CCBE1: variants seen among roughly 807,000 people sequenced by gnomAD.
The protein encoded by CCBE1 is collagen and calcium-binding EGF domain-containing protein 1.
Under a neutral mutation model 50.0 loss-of-function variants are expected in CCBE1, and 37 were observed. That is an observed-to-expected ratio of 0.74 (90% CI 0.57 to 0.97). The LOEUF (loss-of-function observed/expected upper bound fraction) is 0.97, where lower values mean the gene tolerates loss of function less well. Among genes scored for constraint, CCBE1 ranks in the 50% least tolerant of loss-of-function variants. The probability of loss-of-function intolerance (pLI) is 0.00; values close to 1 mark genes in which losing one functional copy is unlikely to be tolerated. For synonymous variants in CCBE1, 234 were observed against 203.7 expected (o/e 1.15, Z -1.27); for missense variants, 538 against 523.8 (o/e 1.03, Z -0.26).
Position 59,591,005 on chromosome 18 carries a change from G to A in CCBE1, c.212+105624C>T, listed in dbSNP as rs556892594. ...CACGCTTGTAATCCCAGCACTTTGG[G>A]AGGCCGAGGCGGGTGGATCACGAGG... On this transcript the variant is annotated intron_variant, in intron 2 of 10. Transcript: ENST00000439986. Among the ~76,000 whole-genome samples, 8 of 32,426 alleles carry A rather than the reference G, an allele frequency of 2.5e-4. 3 individuals carry two copies. The highest frequency in any genetic ancestry group is 8.5e-4 in the African/African-American group (2 of 2,352). 21.3% of individuals were successfully genotyped at this position (32,426 alleles called of 152,430 possible).
chr18:59,686,151 A>G (rs1160046187), intron 2 of CCBE1: 1 of 152,258 alleles, frequency 6.6e-6, no homozygotes, highest in Non-Finnish European at 1.5e-5. Flanking sequence ...ATCCATGGAA[A>G]GCAAGGTATG....
rs1384957305 is a variant in CCBE1 at position 59,591,010 on chromosome 18, C to A, written c.212+105619G>T. ...TTGTAATCCCAGCACTTTGGGAGGC[C>A]GAGGCGGGTGGATCACGAGGTCAGG... On this transcript the variant is annotated intron_variant, in intron 2 of 10. Transcript: ENST00000439986. Among the ~76,000 whole-genome samples the A allele has an allele frequency of 1.5e-4, 5 of 32,374 alleles. 2 individuals carry two copies. Among genetic ancestry groups the A allele is most frequent in the Admixed American group, 6.1e-4 (2 of 3,288 alleles). 21.2% of individuals were successfully genotyped at this position (32,374 alleles called of 152,430 possible).
intron 2 of CCBE1, among the ~76,000 whole-genome samples, chr18:59,576,008 G>A (rs2052989731): frequency 6.6e-6 from 1 of 152,204 alleles, no homozygotes; most frequent in Admixed American, 6.5e-5. Context: ...TTTTTCCTGT[G>A]TAAGAAAAGT....
chr18:59,446,470 C>T (rs7228296), intron 7 of CCBE1, among the ~76,000 whole-genome samples: 48,307 of 151,900 alleles, frequency 0.32, 7,795 homozygotes, highest in Admixed American at 0.34. Context: ...AAAACTCCAC[C>T]ATGACCCGGA....
At chr18:59,640,142 A>G (rs1437202007) in intron 2 of CCBE1, among the ~76,000 whole-genome samples, 1 of 152,202 alleles carries the variant, frequency 6.6e-6, no homozygotes, top group Non-Finnish European at 1.5e-5. Flanking sequence ...CGATTTTAAA[A>G]TTCATTATGG....
intron 2 of CCBE1, among the ~76,000 whole-genome samples, chr18:59,632,980 C>T (rs2053869195): frequency 6.6e-6 from 1 of 152,158 alleles, no homozygotes; most frequent in African/African-American, 2.4e-5. Context: ...ACAAGTCAGG[C>T]ATTCCCTTCT....
At chr18:59,599,404 A>C (rs2053400361) in intron 2 of CCBE1, among the ~76,000 whole-genome samples, 1 of 152,216 alleles carries the variant, frequency 6.6e-6, no homozygotes, top group Non-Finnish European at 1.5e-5. Context: ...GAATTAATGT[A>C]ATTACCATAC....
chr18:59,520,399 G>A (rs760495319), intron 2 of CCBE1, among the ~76,000 whole-genome samples: 10 of 152,024 alleles, frequency 6.6e-5, no homozygotes, highest in Non-Finnish European at 8.8e-5. Flanking sequence ...CCCTTGGTCC[G>A]TCAACAGAGA....
At chr18:59,694,480 T>A (rs953669925) in intron 2 of CCBE1, among the ~76,000 whole-genome samples, 1 of 152,200 alleles carries the variant, frequency 6.6e-6, no homozygotes, top group Admixed American at 6.5e-5. Context: ...TCTGTCTAAA[T>A]AGGTCTGCAT....
At chr18:59,609,009 G>C (rs2144578295) in intron 2 of CCBE1, among the ~76,000 whole-genome samples, 1 of 152,308 alleles carries the variant, frequency 6.6e-6, no homozygotes, top group South Asian at 2.1e-4. Context: ...AAACCCAACA[G>C]ACTTGAGTTC....
chr18:59,502,255 T>C (rs1338421484), intron 2 of CCBE1, among the ~76,000 whole-genome samples: 4 of 152,164 alleles, frequency 2.6e-5, no homozygotes, highest in African/African-American at 7.2e-5. Context: ...GCCTGCACAA[T>C]GTCAGGGCTC....
At chr18:59,495,410 TCCAGA>T (rs1913305529) in intron 2 of CCBE1, among the ~76,000 whole-genome samples, 1 of 144,944 alleles carries the variant, frequency 6.9e-6, no homozygotes. Context: ...TTTTTTTTTT[TCCAGA>T]GCGGGAAACA....
chr18:59,563,400 A>G (rs1487699291), intron 2 of CCBE1, among the ~76,000 whole-genome samples: 2 of 152,242 alleles, frequency 1.3e-5, no homozygotes, highest in Non-Finnish European at 2.9e-5. Context: ...ATCAGTAGCA[A>G]GCATCCAGGG....
At position 59,601,010 on chromosome 18, in the gene CCBE1, G is replaced by GTTTTTTTTTTTT. The variant is rs71177045; in HGVS notation, c.212+95607_212+95618dup. Among the ~76,000 whole-genome samples the GTTTTTTTTTTTT allele has an allele frequency of 9.8e-4, 57 of 58,010 alleles. 16 individuals are homozygous for GTTTTTTTTTTTT. Among genetic ancestry groups the GTTTTTTTTTTTT allele is most frequent in the Admixed American group, 1.5e-3 (6 of 3,974 alleles). 38.1% of individuals were successfully genotyped at this position (58,010 alleles called of 152,430 possible). Reference sequence around the variant, plus strand: ...GATCTATTTTATTAGCTATGTGTCAGTTTTTTTTTTTTTTTTTTTTTTTTT... The same window carrying GTTTTTTTTTTTT: ...GATCTATTTTATTAGCTATGTGTCAGTTTTTTTTTTTTTTTTTTTTTTTTTTTTTTTTTTTTT... On this transcript the variant is annotated intron_variant, in intron 2 of 10. Transcript: ENST00000439986.
chr18:59,544,629 G>GA (rs1307840030), intron 2 of CCBE1, among the ~76,000 whole-genome samples: 2 of 152,152 alleles, frequency 1.3e-5, no homozygotes, highest in Non-Finnish European at 2.9e-5. Context: ...AGCACAAAAT[G>GA]AAAAGTTAGT....
At chr18:59,672,834 A>T (rs906560631) in intron 2 of CCBE1, among the ~76,000 whole-genome samples, 4 of 152,156 alleles carry the variant, frequency 2.6e-5, no homozygotes, top group Admixed American at 1.3e-4. Context: ...AAGGCATAAG[A>T]CTTTGGGGAC....
intron 2 of CCBE1, among the ~76,000 whole-genome samples, chr18:59,692,208 T>C (rs1284078765): frequency 6.6e-6 from 1 of 152,194 alleles, no homozygotes; most frequent in Non-Finnish European, 1.5e-5. Flanking sequence ...ACATGCAGAC[T>C]TGGCAAGATG....
chr18:59,556,715 A>G (rs535897906), intron 2 of CCBE1, among the ~76,000 whole-genome samples: 1 of 152,240 alleles, frequency 6.6e-6, no homozygotes, highest in Non-Finnish European at 1.5e-5. Context: ...ATACATTGTC[A>G]TAGTAACTCT....
intron 2 of CCBE1, among the ~76,000 whole-genome samples, chr18:59,551,683 T>TA (rs1234601963): frequency 3.9e-5 from 6 of 152,244 alleles, no homozygotes; most frequent in Admixed American, 6.5e-5. Flanking sequence ...ACTAGTCCTT[T>TA]AAAAAACTAT....
Sources: allele counts gnomAD v4.1 joint callset (sites outside exome capture counted in the v4.1 genomes callset), GRCh38; gene constraint gnomAD v4.1.1; transcripts MANE v1.5; gene names NCBI Gene and HGNC (gene_info 2026-07-23, HGNC 2026-07-21).